Variants in CACNG4 observed in about 807,000 individuals in gnomAD.
CACNG4 encodes calcium voltage-gated channel auxiliary subunit gamma 4.
Under a neutral mutation model 22.9 loss-of-function variants are expected in CACNG4, and 8 were observed. That is an observed-to-expected ratio of 0.35 (90% CI 0.21 to 0.63). The LOEUF (loss-of-function observed/expected upper bound fraction) is 0.63. Ranked by LOEUF, CACNG4 falls within the 30% of genes least tolerant of loss-of-function variation. The pLI is 0.72. For synonymous variants in CACNG4, 188 were observed against 191.9 expected, an observed-to-expected ratio of 0.98 and a Z score of 0.17; for missense variants, 357 against 455.4, an observed-to-expected ratio of 0.78 and a Z score of 1.97.
chr17:67,028,548 G>A (rs991879542), intron 3 of CACNG4, among the ~76,000 whole-genome samples: 15 of 150,380 alleles, frequency 1.0e-4, no homozygotes, highest in African/African-American at 3.0e-4. Context: ...GCGAGACTCC[G>A]TCTCAAAAAA....
intron 1 of CACNG4, among the ~76,000 whole-genome samples, chr17:66,982,558 T>C (rs1487448138): frequency 1.3e-5 from 2 of 152,220 alleles, no homozygotes; most frequent in African/African-American, 2.4e-5. Flanking sequence ...TACAATCCTC[T>C]TGTAAGACAG....
intron 2 of CACNG4, among the ~76,000 whole-genome samples, chr17:67,020,665 A>G (rs932696928): frequency 1.3e-5 from 2 of 152,182 alleles, no homozygotes; most frequent in African/African-American, 2.4e-5. Context: ...TTATCTCCAG[A>G]GTGCAGGTGC....
At chr17:66,991,757 G>A (rs2035341777) in intron 1 of CACNG4, among the ~76,000 whole-genome samples, 1 of 152,196 alleles carries the variant, frequency 6.6e-6, no homozygotes, top group Admixed American at 6.5e-5. Context: ...CCACCAGGAA[G>A]GCGTGTCTCC....
intron 1 of CACNG4, among the ~76,000 whole-genome samples, chr17:66,983,961 G>T (rs1224957295): frequency 1.3e-5 from 2 of 152,242 alleles, no homozygotes; most frequent in Non-Finnish European, 2.9e-5. Context: ...CTGTTGTCTG[G>T]GAGGGTGCAA....
chr17:66,966,419 G>A (rs1216949639), intron 1 of CACNG4, among the ~76,000 whole-genome samples: 1 of 152,108 alleles, frequency 6.6e-6, no homozygotes, highest in South Asian at 2.1e-4. Context: ...TGTTCGGGAA[G>A]TTCTCCCACA....
intron 1 of CACNG4, among the ~76,000 whole-genome samples, chr17:66,965,960 AGGACCGATCTGC>A (rs2035167685): frequency 6.6e-6 from 1 of 152,144 alleles, no homozygotes; most frequent in Non-Finnish European, 1.5e-5. Context: ...TAGGGTGTGC[AGGACCGATCTGC>A]GGACCGGGAA....
At chr17:67,025,698 C>T (rs557740797) in intron 3 of CACNG4, among the ~76,000 whole-genome samples, 1 of 152,390 alleles carries the variant, frequency 6.6e-6, no homozygotes, top group South Asian at 2.1e-4. Context: ...CAGTGACATG[C>T]CACCTTGGCT....
intron 1 of CACNG4, among the ~76,000 whole-genome samples, chr17:67,016,361 G>T (rs1025729746): frequency 2.0e-5 from 3 of 151,946 alleles, no homozygotes; most frequent in African/African-American, 7.3e-5. Flanking sequence ...GGCCCCCAGG[G>T]CCCATGGACC....
intron 1 of CACNG4, among the ~76,000 whole-genome samples, chr17:66,975,932 T>C (rs190021755): frequency 6.6e-6 from 1 of 152,354 alleles, no homozygotes; most frequent in African/African-American, 2.4e-5. Flanking sequence ...CTTTGCCAAG[T>C]GCCCTAGCCT....
At chr17:67,016,172 G>T (rs1435073954) in intron 1 of CACNG4, among the ~76,000 whole-genome samples, 1 of 152,190 alleles carries the variant, frequency 6.6e-6, no homozygotes, top group Admixed American at 6.5e-5. Context: ...CAAGTATGAC[G>T]TGGTGTAATT....
intron 1 of CACNG4, among the ~76,000 whole-genome samples, chr17:66,998,738 C>T (rs909469513): frequency 1.3e-5 from 2 of 152,232 alleles, no homozygotes; most frequent in Non-Finnish European, 2.9e-5. Context: ...GCCTCTTGCT[C>T]AGTTTCCAAG....
At chr17:66,980,617 A>ATTTTTTT (rs1173198753) in intron 1 of CACNG4, among the ~76,000 whole-genome samples, 54 of 116,014 alleles carry the variant, frequency 4.7e-4, no homozygotes, top group African/African-American at 1.5e-3. Flanking sequence ...CTTTGTGTAA[A>ATTTTTTT]TTCTTTTTTT....
At chr17:66,974,596 C>G (rs1431731184) in intron 1 of CACNG4, among the ~76,000 whole-genome samples, 1 of 152,166 alleles carries the variant, frequency 6.6e-6, no homozygotes, top group African/African-American at 2.4e-5. Flanking sequence ...GCCCCCCGCG[C>G]AGAGTGCTCG....
At chr17:67,020,488 G>C (rs555954909) in intron 2 of CACNG4, among the ~76,000 whole-genome samples, 1 of 152,368 alleles carries the variant, frequency 6.6e-6, no homozygotes, top group Non-Finnish European at 1.5e-5. Context: ...ACATGGAAGA[G>C]ACAGCTTGAC....
intron 1 of CACNG4, among the ~76,000 whole-genome samples, chr17:66,982,115 A>G (rs2035279095): frequency 6.6e-6 from 1 of 152,184 alleles, no homozygotes; most frequent in Non-Finnish European, 1.5e-5. Context: ...CACGGACCCA[A>G]AGAGTGAGCA....
rs571197360 is a variant in CACNG4, at chr17:67,025,976, T to A, written c.445+976T>A. ...TAGACGTGTGTGTGGAGTGCGTGCA[T>A]CTGCGAGTGATCTGTGGGGCCTGTA... On this transcript the variant is annotated intron_variant, in intron 3 of 3. Transcript: ENST00000262138. Among the ~76,000 whole-genome samples, 5 of 152,368 alleles carry A rather than the reference T, an allele frequency of 3.3e-5. No individual in the cohort carries two copies. In the South Asian group the frequency reaches 8.3e-4, roughly 25 times the overall value.
At chr17:67,028,638 G>A (rs988665367) in intron 3 of CACNG4, among the ~76,000 whole-genome samples, 16 of 152,178 alleles carry the variant, frequency 1.1e-4, no homozygotes, top group African/African-American at 3.9e-4. Context: ...GTGCTGTTGT[G>A]AGCACTTTGT....
At chr17:66,979,860 A>G (rs541594119) in intron 1 of CACNG4, among the ~76,000 whole-genome samples, 1 of 149,276 alleles carries the variant, frequency 6.7e-6, no homozygotes, top group South Asian at 2.1e-4. Context: ...GGTTCAAGTA[A>G]TTCTCCTGCC....
At chr17:66,972,155 G>A (rs917093811) in intron 1 of CACNG4, among the ~76,000 whole-genome samples, 2 of 152,150 alleles carry the variant, frequency 1.3e-5, no homozygotes, top group African/African-American at 4.8e-5. Flanking sequence ...ACAGAAGAAG[G>A]AACAGTTGTG....
Sources: allele counts gnomAD v4.1 joint callset (sites outside exome capture counted in the v4.1 genomes callset), GRCh38; gene constraint gnomAD v4.1.1; transcripts MANE v1.5; gene names NCBI Gene and HGNC (gene_info 2026-07-23, HGNC 2026-07-21).